CHEK1: variants seen among roughly 807,000 people sequenced by gnomAD.
The protein encoded by CHEK1 is serine/threonine-protein kinase Chk1.
In CHEK1, 32 loss-of-function variants were observed where a neutral mutation model predicts 60.2. The observed-to-expected ratio is 0.53, with a 90% CI of 0.40 to 0.71. The LOEUF is 0.71. Among genes scored for constraint, CHEK1 ranks in the 30% least tolerant of loss-of-function variants. CHEK1 has a pLI of 0.00. For missense variants in CHEK1, 399 were observed against 564.6 expected (o/e 0.71, Z 2.97); for synonymous variants, 179 against 187.2 (o/e 0.96, Z 0.36).
At chr11:125,648,906 C>G (rs1026657412) in intron 11 of CHEK1, among the ~76,000 whole-genome samples, 4 of 152,118 alleles carry the variant, frequency 2.6e-5, no homozygotes, top group African/African-American at 9.7e-5. Flanking sequence ...GCTTGACCTC[C>G]TGTGCCCAAG....
At chr11:125,664,390 C>T (rs915948046) in intron 13 of CHEK1, among the ~76,000 whole-genome samples, 3 of 151,892 alleles carry the variant, frequency 2.0e-5, no homozygotes, top group Admixed American at 6.6e-5. Flanking sequence ...CCCGCCACTA[C>T]GCCTGGCTAA....
Position 125,627,839 on chromosome 11 carries a change from G to A in CHEK1, c.289+9G>A, listed in dbSNP as rs1413195929. 6.6e-7 allele frequency: 1 copy of A among 1,506,570 alleles called. No individual in the cohort carries two copies. 93.3% of individuals were successfully genotyped at this position (1,506,570 alleles called of 1,614,324 possible). Reference sequence around the variant, plus strand: ...GCTTTTTGACAGAATAGGTATGGAAGAAATTTAAGATAATTATTTTAAACA... The same window carrying A: ...GCTTTTTGACAGAATAGGTATGGAAAAAATTTAAGATAATTATTTTAAACA... On this transcript the variant is annotated intron_variant, in intron 3 of 12. Transcript: ENST00000438015.
At chr11:125,675,240 C>A (rs1056102189) in intron 13 of CHEK1, among the ~76,000 whole-genome samples, 9 of 152,186 alleles carry the variant, frequency 5.9e-5, no homozygotes, top group African/African-American at 2.2e-4. Context: ...TTTCTGAATA[C>A]CACCTTCTCC....
chr11:125,661,592 G>T (rs1490961740), downstream of CHEK1, among the ~76,000 whole-genome samples: 1 of 152,054 alleles, frequency 6.6e-6, no homozygotes, highest in South Asian at 2.1e-4. Flanking sequence ...CATTACAGGC[G>T]TGAGCCACCG....
At position 125,627,704 on chromosome 11, in the gene CHEK1, GA is replaced by G; in HGVS notation, c.164del (p.Glu55GlyfsTer8). On this transcript the variant is annotated frameshift_variant, in exon 3 of 13. Coordinates refer to ENST00000438015, the MANE Select transcript of CHEK1 (RefSeq NM_001114122.3). LOFTEE classifies it high-confidence loss of function. ...AVDCPENIKK[E>X]ICINKMLNHE... ...AGACTGTCCAGAAAATATTAAGAAA[GA>G]GATCTGTATCAATAAAATGCTAAAT... 6.2e-7 allele frequency: 1 copy of G among 1,613,866 alleles called. No individual in the cohort carries two copies. Among genetic ancestry groups the G allele is most frequent in the Non-Finnish European group, 8.5e-7 (1 of 1,179,872 alleles).
At chr11:125,680,893 A>G (rs928589260), downstream of CHEK1, 3 of 855,360 alleles carry the variant, frequency 3.5e-6, no homozygotes, top group African/African-American at 3.4e-5. Flanking sequence ...TGGGAATTCT[A>G]GAACCTCAGA....
Position 125,657,136 on chromosome 11 carries a change from T to G in CHEK1, c.*1816T>G, listed in dbSNP as rs538949609. 2 of 174,910 alleles carry G rather than the reference T, an allele frequency of 1.1e-5. No individual in the cohort carries two copies. Among genetic ancestry groups the G allele is most frequent in the East Asian group, 2.0e-4 (2 of 10,130 alleles). 10.8% of individuals were successfully genotyped at this position (174,910 alleles called of 1,614,324 possible). ...TATTAAAAATAAAAATGTGTAAAAT[T>G]TACTACCTGAAGATAACAGTTCAAA... On this transcript the variant is annotated 3_prime_UTR_variant, in exon 13 of 13. Coordinates refer to ENST00000438015, the MANE Select transcript of CHEK1 (RefSeq NM_001114122.3).
chr11:125,671,076 T>A (rs997941804), intron 13 of CHEK1, among the ~76,000 whole-genome samples: 1 of 152,124 alleles, frequency 6.6e-6, no homozygotes, highest in Non-Finnish European at 1.5e-5. Context: ...CCAGTTAATT[T>A]TTTAACTTTT....
Position 125,627,619 on chromosome 11 carries a change from T to C in CHEK1, c.78T>C (p.Ala26=), listed in dbSNP as rs751950235. 2 of 1,611,746 alleles carry C rather than the reference T, an allele frequency of 1.2e-6. No homozygotes were observed. The highest frequency in any genetic ancestry group is 1.1e-5 in the South Asian group (1 of 90,506). Residue 26 remains alanine, a synonymous_variant, in exon 3 of 13, where the codon GCT becomes GCC. Coordinates refer to ENST00000438015, the MANE Select transcript of CHEK1 (RefSeq NM_001114122.3). The part of the protein sequence containing the change: ...GEGAYGEVQL[A]VNRVTEEAVA... ...TTTTCCTTTTTAGAGTTCAACTTGCTGTGAATAGAGTAACTGAAGAAGCAG... is the reference window on the plus strand; with the variant it reads ...TTTTCCTTTTTAGAGTTCAACTTGCCGTGAATAGAGTAACTGAAGAAGCAG...
At chr11:125,665,346 A>G (rs1218169591) in intron 13 of CHEK1, among the ~76,000 whole-genome samples, 1 of 151,084 alleles carries the variant, frequency 6.6e-6, no homozygotes, top group Non-Finnish European at 1.5e-5. Context: ...GATCATGGGG[A>G]AGATCTTTTT....
At chr11:125,672,697 C>T (rs766927022) in intron 13 of CHEK1, 2 of 1,614,116 alleles carry the variant, frequency 1.2e-6, no homozygotes, top group East Asian at 2.2e-5. Context: ...CACCCTTGAA[C>T]CATGAATTGG....
intron 13 of CHEK1, chr11:125,672,839 C>T: frequency 8.1e-7 from 1 of 1,230,198 alleles, no homozygotes. Flanking sequence ...ATTATCCCTT[C>T]TCTTTCTCTT....
chr11:125,625,814 A>G lies in CHEK1; in HGVS notation c.-219A>G, dbSNP rs1372882814. 1.4e-6 allele frequency: 1 copy of G among 702,282 alleles called. No homozygotes were observed. Among genetic ancestry groups the G allele is most frequent in the South Asian group, 1.5e-5 (1 of 67,598 alleles). 43.5% of individuals were successfully genotyped at this position (702,282 alleles called of 1,614,324 possible). ...AGCCAGGATCTCTCCCCGACTGCAA[A>G]GCAGCCCTGGGCGGGAGCGGCAACA... On this transcript the variant is annotated 5_prime_UTR_variant, in exon 1 of 13. Transcript: ENST00000438015.
At chr11:125,661,208 A>G (rs1378859933), downstream of CHEK1, among the ~76,000 whole-genome samples, 1 of 152,168 alleles carries the variant, frequency 6.6e-6, no homozygotes, top group Non-Finnish European at 1.5e-5. Context: ...CTTTCACTGT[A>G]ATTACTGATA....
At chr11:125,644,294 TA>T in intron 10 of CHEK1, 26 bp downstream of exon 10, 1 of 1,585,636 alleles carries the variant, frequency 6.3e-7, no homozygotes, top group Non-Finnish European at 8.6e-7. Context: ...TTTTTAAAAG[TA>T]ATGGCAGCTC....
downstream of CHEK1, among the ~76,000 whole-genome samples, chr11:125,661,997 A>G (rs1228177670): frequency 6.6e-6 from 1 of 152,218 alleles, no homozygotes; most frequent in East Asian, 1.9e-4. Flanking sequence ...GGACATTTCC[A>G]TCAGCACCAG....
In CHEK1 at chr11:125,652,466, C is replaced by T. The variant is rs531411591; in HGVS notation, c.1234-1280C>T. On this transcript the variant is annotated intron_variant, in intron 11 of 12. Transcript: ENST00000438015. ...ACATTTTAATAATCTTGTTTTTCCT[C>T]CCATTATGTTTTCATCTTTGATTGT... is the stretch of plus-strand genomic sequence containing the variant. Among the ~76,000 whole-genome samples, 8 of 152,266 alleles carry T rather than the reference C, an allele frequency of 5.3e-5. No individual in the cohort carries two copies. In the South Asian group the frequency reaches 1.7e-3, roughly 32 times the overall value.
Position 125,644,233 on chromosome 11 carries a change from A to C in CHEK1, c.1066A>C (p.Asn356His), listed in dbSNP as rs761418252. ...CACATGTCCTGATCATATGCTTTTG[A>C]ATAGTCAGTTACTTGGCACCCCAGG... ...QPTCPDHMLL[N>H]SQLLGTPGSS... Residue 356 changes from asparagine to histidine, a missense_variant, in exon 10 of 13, where the codon AAT (asparagine) becomes CAT (histidine). Physicochemically the swap from Asn to His is moderately conservative, Grantham distance 68. This residue lies in a region of CHEK1 where 370 missense variants were observed against 494.8 expected (regional missense o/e 0.75). Transcript: ENST00000438015. The C allele has an allele frequency of 5.8e-5, 93 of 1,613,684 alleles. No homozygotes were observed. Among genetic ancestry groups the C allele is most frequent in the Non-Finnish European group, 6.5e-5 (77 of 1,179,958 alleles).
downstream of CHEK1, among the ~76,000 whole-genome samples, chr11:125,676,828 C>T (rs1353124379): frequency 6.6e-6 from 1 of 152,150 alleles, no homozygotes; most frequent in Non-Finnish European, 1.5e-5. Flanking sequence ...CCCTTTTGTA[C>T]TCCCCATCAT....
Sources: allele counts gnomAD v4.1 joint callset (sites outside exome capture counted in the v4.1 genomes callset), GRCh38; gene constraint gnomAD v4.1.1; regional missense constraint gnomAD v4.1.1; transcripts MANE v1.5; gene names NCBI Gene and HGNC (gene_info 2026-07-23, HGNC 2026-07-21).